The following LRGUK variants were observed in gnomAD, a reference collection of about 807,000 sequenced individuals.
LRGUK encodes the protein leucine-rich repeat and guanylate kinase domain-containing protein.
In LRGUK, 65 loss-of-function variants were observed where a neutral mutation model predicts 76.0. That is an observed-to-expected ratio of 0.85 (90% CI 0.70 to 1.05). The LOEUF (loss-of-function observed/expected upper bound fraction) is 1.05, where lower values mean the gene tolerates loss of function less well. LRGUK is among the 50% of genes least tolerant of loss of function. The pLI is 0.00. For synonymous variants in LRGUK, 268 were observed against 265.6 expected, an observed-to-expected ratio of 1.01 and a Z score of -0.09; for missense variants, 758 against 732.8, an observed-to-expected ratio of 1.03 and a Z score of -0.40.
intron 16 of LRGUK, among the ~76,000 whole-genome samples, chr7:134,242,121 C>A (rs1446510130): frequency 1.3e-5 from 2 of 152,062 alleles, no homozygotes; most frequent in African/African-American, 4.8e-5. Flanking sequence ...AAAATTGACA[C>A]CCTAACATCA....
chr7:134,167,136 G>C (rs890398721), intron 7 of LRGUK, among the ~76,000 whole-genome samples: 9 of 152,126 alleles, frequency 5.9e-5, no homozygotes, highest in Non-Finnish European at 1.0e-4. Context: ...CCTGCCCTGG[G>C]ATGCAAACAG....
intron 16 of LRGUK, among the ~76,000 whole-genome samples, chr7:134,228,517 A>G (rs1801815975): frequency 6.6e-6 from 1 of 152,214 alleles, no homozygotes; most frequent in Admixed American, 6.5e-5. Flanking sequence ...TGGAATTAAA[A>G]TGTATAAAAT....
chr7:134,195,780 A>C (rs1368770425), intron 12 of LRGUK, among the ~76,000 whole-genome samples: 1 of 152,230 alleles, frequency 6.6e-6, no homozygotes, highest in Admixed American at 6.5e-5. Flanking sequence ...ATAACAAAGA[A>C]AGTATGACAT....
At chr7:134,189,291 C>A (rs575482849) in intron 11 of LRGUK, among the ~76,000 whole-genome samples, 1 of 152,150 alleles carries the variant, frequency 6.6e-6, no homozygotes, top group Non-Finnish European at 1.5e-5. Context: ...AGTCCTGGCT[C>A]GAGCAAATTT....
chr7:134,164,298 C>G (rs537602234), intron 7 of LRGUK, among the ~76,000 whole-genome samples: 1 of 152,090 alleles, frequency 6.6e-6, no homozygotes, highest in East Asian at 1.9e-4. Context: ...AAGGCTTAAA[C>G]CCTCAAAAAT....
intron 18 of LRGUK, among the ~76,000 whole-genome samples, chr7:134,256,847 G>A (rs1802597239): frequency 6.6e-6 from 1 of 152,160 alleles, no homozygotes; most frequent in East Asian, 1.9e-4. Context: ...ACACCTCCCA[G>A]TCTGTAAGCC....
chr7:134,219,198 T>C (rs1039729872), intron 15 of LRGUK, among the ~76,000 whole-genome samples: 6 of 152,190 alleles, frequency 3.9e-5, no homozygotes, highest in African/African-American at 1.4e-4. Context: ...GTTTTGTCCA[T>C]TGATGTACTA....
At chr7:134,136,881 A>G (rs1248918120) in intron 1 of LRGUK, 142 bp from the exon 2 acceptor site, 1 of 623,188 alleles carries the variant, frequency 1.6e-6, no homozygotes, top group East Asian at 2.8e-5. Flanking sequence ...ATCAACACAG[A>G]ATTTTTTTGG....
intron 18 of LRGUK, among the ~76,000 whole-genome samples, chr7:134,250,979 C>T (rs1248823569): frequency 6.6e-6 from 1 of 152,322 alleles, no homozygotes; most frequent in Non-Finnish European, 1.5e-5. Flanking sequence ...TCATTTAATA[C>T]TTTGACACAA....
chr7:134,170,744 G>A (rs79545011), intron 7 of LRGUK, among the ~76,000 whole-genome samples: 18,924 of 152,092 alleles, frequency 0.12, 1,482 homozygotes, highest in East Asian at 0.32. Context: ...AATGATAACA[G>A]CTATCATTTA....
chr7:134,127,448 C>T, exon 1 of LRGUK: 1 of 1,613,994 alleles, frequency 6.2e-7, no homozygotes. Context: ...GAACTGGAGC[C>T]CGATCGTTAC....
chr7:134,132,634 G>C lies in LRGUK; in HGVS notation c.298-4389G>C, dbSNP rs556616073. 3.7e-4 allele frequency among the ~76,000 whole-genome samples: 56 copies of C among 152,350 alleles called. 3 individuals carry two copies. Among genetic ancestry groups the C allele is most frequent in the African/African-American group, 1.3e-3 (55 of 41,596 alleles). On this transcript the variant is annotated intron_variant, in intron 1 of 15. Coordinates refer to ENST00000645682, the Ensembl canonical transcript of LRGUK. ...TATAGCTAAAGGAACCTGCAGGACT[G>C]AAGAAAGCCTCTGTAGGACAGAAGA...
At chr7:134,247,570 A>ACACAGACAG in exon 17 of LRGUK, 1 of 1,613,380 alleles carries the variant, frequency 6.2e-7, no homozygotes, top group Non-Finnish European at 8.5e-7. Context: ...GAGATTCTAT[A>ACACAGACAG]CACAGACAGC....
At chr7:134,189,128 G>A (rs1288273536) in intron 11 of LRGUK, among the ~76,000 whole-genome samples, 1 of 152,202 alleles carries the variant, frequency 6.6e-6, no homozygotes, top group Non-Finnish European at 1.5e-5. Context: ...CAGAGTTGGA[G>A]TCTGGGGTTC....
In LRGUK at chr7:134,127,598, T is replaced by C. The variant is rs61732215; in HGVS notation, c.231T>C (p.Asp77=). Residue 77 remains aspartate, a synonymous_variant, in exon 1 of 16, where the codon GAT becomes GAC. Transcript: ENST00000645682. Reference sequence around the variant, plus strand: ...ATCAGGAGCTGGACTCGGACGGAGATGAGGACCAGGGCGAGGGCGAGGCGG... The same window carrying C: ...ATCAGGAGCTGGACTCGGACGGAGACGAGGACCAGGGCGAGGGCGAGGCGG... The C allele has an allele frequency of 0.015, 23,785 of 1,614,076 alleles. 1,258 individuals are homozygous for C. In the African/African-American group the frequency reaches 0.17, roughly 11 times the overall value.
chr7:134,272,629 A>G, the LRGUK span, among the ~76,000 whole-genome samples: 1 of 152,226 alleles, frequency 6.6e-6, no homozygotes, highest in Non-Finnish European at 1.5e-5. Flanking sequence ...TTATTAAGAT[A>G]TAATAACAGT....
chr7:134,190,198 C>T (rs1800141611), intron 11 of LRGUK, among the ~76,000 whole-genome samples: 1 of 152,098 alleles, frequency 6.6e-6, no homozygotes, highest in Admixed American at 6.6e-5. Context: ...AGTCTCATCT[C>T]TTATTTTATT....
At chr7:134,225,131 A>G (rs1801707102) in intron 16 of LRGUK, among the ~76,000 whole-genome samples, 1 of 148,962 alleles carries the variant, frequency 6.7e-6, no homozygotes, top group Non-Finnish European at 1.5e-5. Flanking sequence ...ACTGGAAAAA[A>G]AAAAAAAAAA....
the LRGUK span, among the ~76,000 whole-genome samples, chr7:134,276,051 T>A: frequency 6.6e-6 from 1 of 152,186 alleles, no homozygotes; most frequent in Non-Finnish European, 1.5e-5. Flanking sequence ...AGTCAAACAA[T>A]TGCTCAGAAG....
Sources: gnomAD v4.1 joint callset for allele counts (sites outside exome capture counted in the v4.1 genomes callset) on GRCh38, gnomAD v4.1.1 for gene constraint, MANE v1.5 for transcripts, NCBI Gene and HGNC (gene_info 2026-07-23, HGNC 2026-07-21) for gene names.